TMEFF1: variants seen among roughly 807,000 people sequenced by gnomAD.
The protein encoded by TMEFF1 is tomoregulin-1.
TMEFF1 carries 20 observed loss-of-function variants against 47.5 expected under a neutral mutation model. The ratio of observed to expected loss-of-function variants is 0.42; its 90% CI spans 0.30 to 0.61. The LOEUF (loss-of-function observed/expected upper bound fraction) is 0.61, where lower values mean the gene tolerates loss of function less well. Ranked by LOEUF, TMEFF1 falls within the 20% of genes least tolerant of loss-of-function variation. The pLI is 0.19. For missense variants in TMEFF1, 411 were observed against 471.1 expected (o/e 0.87, Z 1.18); for synonymous variants, 162 against 166.3 (o/e 0.97, Z 0.20).
At chr9:100,552,154 A>G (rs1408917622) in intron 7 of TMEFF1, among the ~76,000 whole-genome samples, 3 of 152,196 alleles carry the variant, frequency 2.0e-5, no homozygotes, top group Admixed American at 6.5e-5. Context: ...GTTGAATGCT[A>G]TGCTACTCTA....
At chr9:100,484,504 A>G (rs985347283) in intron 1 of TMEFF1, among the ~76,000 whole-genome samples, 2 of 151,930 alleles carry the variant, frequency 1.3e-5, no homozygotes, top group East Asian at 3.9e-4. Context: ...TTTTTAGTAG[A>G]GGCGGGGTTT....
intron 7 of TMEFF1, 122 bp from the exon 8 acceptor site, chr9:100,561,275 T>C (rs747942655): frequency 4.7e-6 from 7 of 1,491,994 alleles, no homozygotes; most frequent in Non-Finnish European, 6.2e-6. Context: ...AAATTTTCTT[T>C]TCAAATTGCC....
chr9:100,502,738 T>C (rs1266263613), intron 2 of TMEFF1, among the ~76,000 whole-genome samples: 1 of 152,194 alleles, frequency 6.6e-6, no homozygotes, highest in Non-Finnish European at 1.5e-5. Flanking sequence ...TTTGACGTTT[T>C]AAAAAATATA....
chr9:100,527,291 G>A (rs1295979405), intron 5 of TMEFF1, among the ~76,000 whole-genome samples: 10 of 152,196 alleles, frequency 6.6e-5, no homozygotes, highest in Non-Finnish European at 1.3e-4. Flanking sequence ...CGTGAGCCAC[G>A]CAGAACACGG....
intron 8 of TMEFF1, among the ~76,000 whole-genome samples, chr9:100,571,877 A>G (rs1839245458): frequency 1.3e-5 from 2 of 152,172 alleles, no homozygotes; most frequent in Admixed American, 6.5e-5. Context: ...GGAGCACTCA[A>G]CCTAGATCCC....
At chr9:100,500,776 A>C (rs969155873) in intron 2 of TMEFF1, among the ~76,000 whole-genome samples, 21 of 152,262 alleles carry the variant, frequency 1.4e-4, no homozygotes, top group African/African-American at 5.1e-4. Context: ...GTAACTTTGA[A>C]TTTATCCTAT....
At chr9:100,557,239 AT>A (rs1227370893) in intron 7 of TMEFF1, among the ~76,000 whole-genome samples, 1 of 151,698 alleles carries the variant, frequency 6.6e-6, no homozygotes, top group African/African-American at 2.4e-5. Context: ...ATTTTAGAAC[AT>A]TTTCTACACC....
chr9:100,512,042 A>G (rs1338165436), intron 3 of TMEFF1, among the ~76,000 whole-genome samples: 1 of 152,204 alleles, frequency 6.6e-6, no homozygotes, highest in Admixed American at 6.5e-5. Flanking sequence ...TGTCTTATTT[A>G]TCATTTTATT....
At chr9:100,546,925 A>G (rs954830928) in intron 5 of TMEFF1, among the ~76,000 whole-genome samples, 4 of 152,218 alleles carry the variant, frequency 2.6e-5, no homozygotes, top group Non-Finnish European at 5.9e-5. Context: ...TTACACAGAT[A>G]GACATGTAGC....
At position 100,498,788 on chromosome 9, in the gene TMEFF1, G is replaced by T. The variant is rs763918541; in HGVS notation, c.220G>T (p.Val74Leu). 1.2e-6 allele frequency: 2 copies of T among 1,613,506 alleles called. No homozygotes were observed. The highest frequency in any genetic ancestry group is 8.5e-7 in the Non-Finnish European group (1 of 1,179,840). ...CSELNVRESDVRVCDESSCKY... is the reference protein window; with the variant it reads ...CSELNVRESDLRVCDESSCKY... ...AGAATTAAATGTGAGGGAGTCTGAC[G>T]TAAGAGTTTGTGATGAGTCATCATG... The change falls in exon 2 of 10, where the codon GTA becomes TTA. Residue 74 changes from valine (V) to leucine (L), a missense_variant. Val to Leu is a conservative substitution (Grantham distance 32). Coordinates refer to ENST00000374879, the MANE Select transcript of TMEFF1 (RefSeq NM_003692.5).
intron 4 of TMEFF1, among the ~76,000 whole-genome samples, chr9:100,514,314 TA>T (rs372558259): frequency 0.13 from 18,053 of 138,982 alleles, 1,096 homozygotes; most frequent in Middle Eastern, 0.21. Context: ...CAGTTTCAGC[TA>T]AAAAAAAAAA....
At chr9:100,494,781 T>C (rs1837621289) in intron 1 of TMEFF1, among the ~76,000 whole-genome samples, 1 of 152,208 alleles carries the variant, frequency 6.6e-6, no homozygotes, top group African/African-American at 2.4e-5. Context: ...TAGCAGTGAC[T>C]GCTGCAACTA....
At chr9:100,544,210 T>TC (rs1367345246) in intron 5 of TMEFF1, among the ~76,000 whole-genome samples, 1 of 151,970 alleles carries the variant, frequency 6.6e-6, no homozygotes, top group Non-Finnish European at 1.5e-5. Context: ...TGTCTCCTGT[T>TC]CCCAGAGGCC....
chr9:100,536,483 TTTTG>T (rs1309355503), intron 5 of TMEFF1, among the ~76,000 whole-genome samples: 1 of 152,128 alleles, frequency 6.6e-6, no homozygotes, highest in Admixed American at 6.5e-5. Flanking sequence ...ATACCTCAAG[TTTTG>T]TTTAAGTAAT....
chr9:100,539,370 A>G (rs1490153589), intron 5 of TMEFF1, among the ~76,000 whole-genome samples: 1 of 152,192 alleles, frequency 6.6e-6, no homozygotes, highest in Non-Finnish European at 1.5e-5. Context: ...TTCAAGAATG[A>G]AGCTGTGGAC....
At chr9:100,481,785 ATTG>A (rs1365996326) in intron 1 of TMEFF1, among the ~76,000 whole-genome samples, 2 of 151,824 alleles carry the variant, frequency 1.3e-5, no homozygotes, top group African/African-American at 4.8e-5. Context: ...TTTATTTTTA[ATTG>A]TTGTTGTTTT....
intron 8 of TMEFF1, among the ~76,000 whole-genome samples, chr9:100,568,630 A>G (rs1335127884): frequency 7.0e-6 from 1 of 142,066 alleles, no homozygotes; most frequent in Non-Finnish European, 1.6e-5. Context: ...TGTTTAATAT[A>G]TGCACAGAGT....
intron 2 of TMEFF1, 138 bp from the exon 3 acceptor site, chr9:100,508,867 A>T: frequency 9.0e-7 from 1 of 1,107,838 alleles, no homozygotes; most frequent in Non-Finnish European, 1.1e-6. Flanking sequence ...AATTCTTTTT[A>T]AGCCAAAAAA....
At chr9:100,539,375 G>A (rs938406867) in intron 5 of TMEFF1, among the ~76,000 whole-genome samples, 12 of 152,224 alleles carry the variant, frequency 7.9e-5, no homozygotes, top group Admixed American at 2.6e-4. Flanking sequence ...GAATGAAGCT[G>A]TGGACCCTCG....
Sources: gnomAD v4.1 joint callset for allele counts (sites outside exome capture counted in the v4.1 genomes callset) on GRCh38, gnomAD v4.1.1 for gene constraint, MANE v1.5 for transcripts, NCBI Gene and HGNC (gene_info 2026-07-23, HGNC 2026-07-21) for gene names.